The following CHD1 variants were observed in gnomAD, a reference collection of about 807,000 sequenced individuals.
The protein encoded by CHD1 is chromodomain helicase DNA binding protein 1, also known as ATP-dependent chromatin remodeler CHD1.
Under a neutral mutation model 224.2 loss-of-function variants are expected in CHD1, and 36 were observed. The observed-to-expected ratio is 0.16, with a 90% CI of 0.12 to 0.21. The LOEUF (loss-of-function observed/expected upper bound fraction) is 0.21, where lower values mean the gene tolerates loss of function less well. Ranked by LOEUF, CHD1 falls within the 10% of genes least tolerant of loss-of-function variation. CHD1 has a pLI of 1.00. For missense variants in CHD1, 1,378 were observed against 1,994.8 expected (o/e 0.69, Z 5.89); for synonymous variants, 668 against 658.3 (o/e 1.01, Z -0.23).
chr5:98,896,866 A>C (rs1465639256), intron 11 of CHD1, among the ~76,000 whole-genome samples: 1 of 152,106 alleles, frequency 6.6e-6, no homozygotes, highest in African/African-American at 2.4e-5. Flanking sequence ...ATAGAAAAAA[A>C]ATGTAGAAGA....
intron 1 of CHD1, among the ~76,000 whole-genome samples, chr5:98,927,089 T>G (rs1037323368): frequency 3.3e-5 from 5 of 152,194 alleles, no homozygotes; most frequent in Non-Finnish European, 7.4e-5. Flanking sequence ...AATGTGTTAT[T>G]TAACAGGTAA....
chr5:98,887,300 C>T (rs1179505925), intron 17 of CHD1, among the ~76,000 whole-genome samples: 1 of 152,104 alleles, frequency 6.6e-6, no homozygotes, highest in Non-Finnish European at 1.5e-5. Flanking sequence ...TGTAATGTTA[C>T]ATTTATTTGT....
rs777299872 is a variant in CHD1, at chr5:98,876,467, T to C, written c.3329A>G (p.Lys1110Arg). 6.2e-7 allele frequency: 1 copy of C among 1,614,176 alleles called. No individual in the cohort carries two copies. The highest frequency in any genetic ancestry group is 8.5e-7 in the Non-Finnish European group (1 of 1,179,994). Reference sequence around the variant, plus strand: ...AATAGTCCGTGGTCTTCCACGTTTCTTTGGCCTTTTCCCTTCTGAGATGGA... The same window carrying C: ...AATAGTCCGTGGTCTTCCACGTTTCCTTGGCCTTTTCCCTTCTGAGATGGA... ...SDSISEGKRPKKRGRPRTIPR... is the reference protein window; with the variant it reads ...SDSISEGKRPRKRGRPRTIPR... The change falls in exon 24 of 36, where the codon AAG (lysine) becomes AGG (arginine). Residue 1110 changes from lysine to arginine, a missense_variant. By Grantham distance (26) the Lys-to-Arg change is conservative (BLOSUM62 2). Transcript: ENST00000614616.
rs1293163889 is a variant in CHD1 at position 98,881,163 on chromosome 5, A to G, written c.2973T>C (p.Asp991=). 2 of 1,591,316 alleles carry G rather than the reference A, an allele frequency of 1.3e-6. No individual in the cohort carries two copies. Among genetic ancestry groups the G allele is most frequent in the East Asian group, 4.5e-5 (2 of 44,570 alleles). The change falls in exon 22 of 36, where the codon GAT becomes GAC. Residue 991 remains aspartate (D), a synonymous_variant. Coordinates refer to ENST00000614616, the MANE Select transcript of CHD1 (RefSeq NM_001270.4). ...CAGCTCTCTTCAAGATTTCATCTAT[A>G]TCCATTTCCTATAATTAAAAAGACA... The part of the protein sequence containing the change: ...EGEEQEPQEM[D]IDEILKRAET...
intron 31 of CHD1, among the ~76,000 whole-genome samples, chr5:98,867,361 A>G (rs1176894034): frequency 6.6e-6 from 1 of 152,254 alleles, no homozygotes; most frequent in Non-Finnish European, 1.5e-5. Context: ...TTAGAAACTC[A>G]TAATTTGACA....
Position 98,859,022 on chromosome 5 carries a change from T to C in CHD1, c.4525-7A>G, listed in dbSNP as rs1220702910. ...TGTTTTGATCACTGTTTTGCTAAAATAAATGCACACGTGTTAAGAATCTTT... is the reference window on the plus strand; with the variant it reads ...TGTTTTGATCACTGTTTTGCTAAAACAAATGCACACGTGTTAAGAATCTTT... On this transcript the variant is annotated splice_polypyrimidine_tract_variant and splice_region_variant and intron_variant, in intron 33 of 35. Coordinates refer to ENST00000614616, the MANE Select transcript of CHD1 (RefSeq NM_001270.4). 1 of 1,570,762 alleles carries C rather than the reference T, an allele frequency of 6.4e-7. No individual in the cohort carries two copies. Among genetic ancestry groups the C allele is most frequent in the Non-Finnish European group, 8.6e-7 (1 of 1,165,996 alleles).
intron 7 of CHD1, 29 bp from the exon 8 acceptor site, chr5:98,899,734 T>C (rs752346347): frequency 4.7e-6 from 7 of 1,475,304 alleles, no homozygotes; most frequent in African/African-American, 2.8e-5. Context: ...GATCCTTCCA[T>C]GTAATTAATT....
chr5:98,919,214 A>G (rs1184223079), intron 2 of CHD1, among the ~76,000 whole-genome samples: 1 of 152,206 alleles, frequency 6.6e-6, no homozygotes, highest in African/African-American at 2.4e-5. Context: ...ATTGTTCTGT[A>G]CATTACTGGA....
intron 31 of CHD1, among the ~76,000 whole-genome samples, chr5:98,864,276 CAAAT>C (rs978358463): frequency 6.6e-6 from 1 of 151,892 alleles, no homozygotes; most frequent in Admixed American, 6.6e-5. Flanking sequence ...AATGCAAAAA[CAAAT>C]AAAAATTTAA....
At chr5:98,906,159 G>T (rs1276547869) in intron 2 of CHD1, among the ~76,000 whole-genome samples, 1 of 152,130 alleles carries the variant, frequency 6.6e-6, no homozygotes, top group Non-Finnish European at 1.5e-5. Flanking sequence ...TTTGCAGGAA[G>T]AATTTTGATT....
intron 2 of CHD1, among the ~76,000 whole-genome samples, chr5:98,908,509 A>C (rs1752192126): frequency 6.6e-6 from 1 of 152,196 alleles, no homozygotes; most frequent in Non-Finnish European, 1.5e-5. Flanking sequence ...TTAAATGAAG[A>C]GTACAATGTT....
chr5:98,854,481 G>A lies in CHD1; in HGVS notation c.*1899C>T, dbSNP rs1747883772. ...ATAGTCATACTAAATGTAGAGAAAA[G>A]TGATAAAAGTTTCAAAAATGTGTGC... On this transcript the variant is annotated 3_prime_UTR_variant, in exon 36 of 36. Coordinates refer to ENST00000614616, the MANE Select transcript of CHD1 (RefSeq NM_001270.4). 2 of 152,022 alleles carry A rather than the reference G, an allele frequency of 1.3e-5. No individual in the cohort carries two copies. Among genetic ancestry groups the A allele is most frequent in the Admixed American group, 1.3e-4 (2 of 15,252 alleles). The allele number at this position is 152,022 out of a possible 1,614,324, so 9.4% of individuals were successfully genotyped here.
At chr5:98,864,766 G>A (rs921686617) in intron 31 of CHD1, among the ~76,000 whole-genome samples, 4 of 152,104 alleles carry the variant, frequency 2.6e-5, no homozygotes, top group African/African-American at 9.7e-5. Context: ...AATTCAGTCA[G>A]ATCTGATGCT....
Position 98,868,611 on chromosome 5 carries a change from T to C in CHD1, c.4132A>G (p.Arg1378Gly), listed in dbSNP as rs1749082293. The change falls in exon 31 of 36, where the codon AGG becomes GGG. Residue 1378 changes from arginine to glycine, a missense_variant. This residue lies in a region of CHD1 where 105 missense variants were observed against 93.4 expected (regional missense o/e 1.12). Coordinates refer to ENST00000614616, the MANE Select transcript of CHD1 (RefSeq NM_001270.4). ...ACTGAAGATTTCTTGGATCTTTCCC[T>C]ACCATCAGACTTGGATTCACTCAAC... is the stretch of plus-strand genomic sequence containing the variant. ...DKLSESKSDG[R>G]ERSKKSSVSD... 1.2e-6 allele frequency: 2 copies of C among 1,602,408 alleles called. No individual in the cohort carries two copies. The highest frequency in any genetic ancestry group is 2.7e-5 in the African/African-American group (2 of 74,168).
chr5:98,902,191 A>G (rs115370812), intron 5 of CHD1, among the ~76,000 whole-genome samples: 384 of 152,222 alleles, frequency 2.5e-3, no homozygotes, highest in African/African-American at 9.0e-3. Context: ...AGGACCAGAG[A>G]GATTTGTAGA....
Position 98,868,588 on chromosome 5 carries a change from T to A in CHD1, c.4155A>T (p.Ser1385=), listed in dbSNP as rs760186466. 6.2e-7 allele frequency: 1 copy of A among 1,608,254 alleles called. No homozygotes were observed. Among genetic ancestry groups the A allele is most frequent in the Non-Finnish European group, 8.5e-7 (1 of 1,178,340 alleles). Residue 1385 remains serine (S), a synonymous_variant, in exon 31 of 36, where the codon TCA becomes TCT. Transcript: ENST00000614616. ...SDGRERSKKS[S]VSDAPVHITA... is the part of the protein sequence containing the mutation. Reference sequence around the variant, plus strand: ...TGATATGAACTGGAGCATCTGACACTGAAGATTTCTTGGATCTTTCCCTAC... The same window carrying A: ...TGATATGAACTGGAGCATCTGACACAGAAGATTTCTTGGATCTTTCCCTAC...
chr5:98,904,927 T>G lies in CHD1; in HGVS notation c.225A>C (p.Gln75His). The G allele has an allele frequency of 6.2e-7, 1 of 1,614,062 alleles. No homozygotes were observed. The highest frequency in any genetic ancestry group is 1.1e-5 in the South Asian group (1 of 91,088). ...ESDTSRENKV[Q>H]AKPPKVDGAE... The stretch of plus-strand genomic sequence containing the variant: ...CTCCATCAACTTTCGGTGGTTTTGC[T>G]TGAACTTTGTTTTCTCGGGAAGTGT... Residue 75 changes from glutamine (Q) to histidine (H), a missense_variant, in exon 3 of 36, where the codon CAA becomes CAC. Coordinates refer to ENST00000614616, the MANE Select transcript of CHD1 (RefSeq NM_001270.4).
intron 18 of CHD1, among the ~76,000 whole-genome samples, chr5:98,884,085 T>G (rs1243891594): frequency 4.0e-5 from 6 of 148,730 alleles, no homozygotes; most frequent in Admixed American, 6.7e-5. Flanking sequence ...TTTGTTTTTT[T>G]TTTTTTGAGA....
chr5:98,854,026 T>C lies in CHD1; in HGVS notation c.*2354A>G, dbSNP rs1226126822. 6.6e-6 allele frequency: 1 copy of C among 152,010 alleles called. No homozygotes were observed. Among genetic ancestry groups the C allele is most frequent in the African/African-American group, 2.4e-5 (1 of 41,442 alleles). 9.4% of individuals were successfully genotyped at this position (152,010 alleles called of 1,614,324 possible). On this transcript the variant is annotated 3_prime_UTR_variant, in exon 36 of 36. Coordinates refer to ENST00000614616, the MANE Select transcript of CHD1 (RefSeq NM_001270.4). ...TTATTGTATAAAAGTGGAAGGTTAA[T>C]TGGTACAGTACTATACATAATCTCT...
Sources: allele counts gnomAD v4.1 joint callset (sites outside exome capture counted in the v4.1 genomes callset), GRCh38; gene constraint gnomAD v4.1.1; regional missense constraint gnomAD v4.1.1; transcripts MANE v1.5; gene names NCBI Gene and HGNC (gene_info 2026-07-23, HGNC 2026-07-21).